CORIN: variants seen among roughly 807,000 people sequenced by gnomAD.
CORIN encodes corin, serine peptidase.
CORIN carries 117 observed loss-of-function variants against 125.3 expected under a neutral mutation model. The observed-to-expected ratio is 0.93, with a 90% CI of 0.80 to 1.09. The LOEUF (loss-of-function observed/expected upper bound fraction) is 1.09. CORIN is among the 50% of genes least tolerant of loss of function. The pLI is 0.00. For missense variants in CORIN, 1,253 were observed against 1,306.7 expected (o/e 0.96, Z 0.63); for synonymous variants, 450 against 466.4 (o/e 0.96, Z 0.45).
chr4:47,687,553 A>G (rs1309943831), intron 6 of CORIN, among the ~76,000 whole-genome samples: 1 of 152,186 alleles, frequency 6.6e-6, no homozygotes, highest in Non-Finnish European at 1.5e-5. Flanking sequence ...TCATACGCAC[A>G]CTATTAATTC....
At chr4:47,752,420 C>A (rs1728945163) in intron 4 of CORIN, among the ~76,000 whole-genome samples, 1 of 152,128 alleles carries the variant, frequency 6.6e-6, no homozygotes, top group African/African-American at 2.4e-5. Flanking sequence ...GCAGAGGTGA[C>A]TCCTGCCTGA....
At chr4:47,631,571 T>C (rs1230819643) in intron 16 of CORIN, among the ~76,000 whole-genome samples, 2 of 151,842 alleles carry the variant, frequency 1.3e-5, no homozygotes, top group African/African-American at 4.8e-5. Context: ...TTATGGTGAG[T>C]AGTATAATGA....
At chr4:47,773,081 C>A (rs1730136391) in intron 3 of CORIN, among the ~76,000 whole-genome samples, 1 of 151,882 alleles carries the variant, frequency 6.6e-6, no homozygotes, top group Admixed American at 6.6e-5. Flanking sequence ...TATTGAGTCT[C>A]TACTATACAA....
At chr4:47,633,867 C>T (rs1722928249) in intron 16 of CORIN, among the ~76,000 whole-genome samples, 1 of 152,068 alleles carries the variant, frequency 6.6e-6, no homozygotes, top group Non-Finnish European at 1.5e-5. Context: ...GGCTGCTCTT[C>T]TCTTCTTCTT....
chr4:47,643,392 A>G, intron 14 of CORIN, 136 bp from the exon 15 acceptor site: 1 of 705,722 alleles, frequency 1.4e-6, no homozygotes, highest in East Asian at 2.7e-5. Flanking sequence ...CCAAACGGGC[A>G]TAAAAACAGA....
chr4:47,705,666 T>C (rs998259871), intron 5 of CORIN, among the ~76,000 whole-genome samples: 4 of 152,166 alleles, frequency 2.6e-5, no homozygotes, highest in Non-Finnish European at 4.4e-5. Context: ...CCAAAAGCCA[T>C]AGTCAAAATG....
intron 4 of CORIN, among the ~76,000 whole-genome samples, chr4:47,754,836 T>G (rs1729062618): frequency 6.6e-6 from 1 of 152,190 alleles, no homozygotes; most frequent in Non-Finnish European, 1.5e-5. Context: ...CTGAAGGCAG[T>G]TAGGTGGCCA....
At chr4:47,803,007 G>A (rs951176503) in intron 2 of CORIN, among the ~76,000 whole-genome samples, 3 of 152,182 alleles carry the variant, frequency 2.0e-5, no homozygotes, top group Admixed American at 2.0e-4. Context: ...CTTTAACCAG[G>A]ACCACCAAGG....
Position 47,763,290 on chromosome 4 carries a change from A to T in CORIN, c.617+89T>A, listed in dbSNP as rs1240711047. The T allele has an allele frequency of 3.0e-6, 3 of 984,936 alleles. No individual in the cohort carries two copies. The East Asian group carries it at 7.9e-5, about 26-fold the overall frequency. The allele number at this position is 984,936 out of a possible 1,614,324, so 61.0% of individuals were successfully genotyped here. ...AATGTGGCTAATAACAACCAAAATA[A>T]AAGGGAGTCATTTGGATAATTTTTT... On this transcript the variant is annotated intron_variant, in intron 4 of 21. Transcript: ENST00000273857.
At chr4:47,611,326 A>T (rs896478337) in intron 19 of CORIN, among the ~76,000 whole-genome samples, 3 of 152,022 alleles carry the variant, frequency 2.0e-5, no homozygotes, top group Non-Finnish European at 1.5e-5. Flanking sequence ...TGTTAGCTGT[A>T]TTCTTAGGTA....
chr4:47,757,809 A>G (rs1729222921), intron 4 of CORIN, among the ~76,000 whole-genome samples: 1 of 148,776 alleles, frequency 6.7e-6, no homozygotes, highest in Non-Finnish European at 1.5e-5. Flanking sequence ...GCTAACATTC[A>G]AGTAGAGATT....
intron 3 of CORIN, among the ~76,000 whole-genome samples, chr4:47,776,159 A>G (rs941380658): frequency 6.6e-6 from 1 of 151,196 alleles, no homozygotes; most frequent in African/African-American, 2.4e-5. Context: ...AGCTGGGACT[A>G]CAGGCACTCC....
At chr4:47,733,879 A>G (rs1322045261) in intron 5 of CORIN, among the ~76,000 whole-genome samples, 2 of 152,222 alleles carry the variant, frequency 1.3e-5, no homozygotes, top group Non-Finnish European at 2.9e-5. Flanking sequence ...GTTATGACTG[A>G]CTTAAAGGAT....
chr4:47,634,124 T>C (rs1722939118), intron 16 of CORIN, among the ~76,000 whole-genome samples: 1 of 152,200 alleles, frequency 6.6e-6, no homozygotes, highest in South Asian at 2.1e-4. Flanking sequence ...TGGATGGTCT[T>C]CAGGATGATT....
At chr4:47,662,496 G>C (rs1220003085) in intron 11 of CORIN, among the ~76,000 whole-genome samples, 1 of 151,962 alleles carries the variant, frequency 6.6e-6, no homozygotes, top group Non-Finnish European at 1.5e-5. Flanking sequence ...TATGTCTTTT[G>C]TCTCCAGAAT....
intron 19 of CORIN, among the ~76,000 whole-genome samples, chr4:47,613,283 T>C (rs2109531116): frequency 6.6e-6 from 1 of 152,184 alleles, no homozygotes; most frequent in Middle Eastern, 3.4e-3. Flanking sequence ...TGAAACCCCA[T>C]GTCTACTAAA....
chr4:47,688,104 T>A (rs1725600770), intron 6 of CORIN, among the ~76,000 whole-genome samples: 1 of 152,088 alleles, frequency 6.6e-6, no homozygotes, highest in South Asian at 2.1e-4. Context: ...GAATTGAAAA[T>A]CATGTTGCAC....
At chr4:47,829,900 C>G (rs1439637275) in intron 1 of CORIN, among the ~76,000 whole-genome samples, 2 of 152,194 alleles carry the variant, frequency 1.3e-5, no homozygotes, top group Non-Finnish European at 2.9e-5. Context: ...TCATTTTACA[C>G]AAGTAAACCA....
chr4:47,665,459 A>T (rs954967410), intron 10 of CORIN, among the ~76,000 whole-genome samples, 196 bp from the exon 11 acceptor site: 5 of 152,162 alleles, frequency 3.3e-5, no homozygotes, highest in African/African-American at 9.7e-5. Flanking sequence ...ACTAAGATTC[A>T]TTTCTGTATA....
Sources: gnomAD v4.1 joint callset for allele counts (sites outside exome capture counted in the v4.1 genomes callset) on GRCh38, gnomAD v4.1.1 for gene constraint, MANE v1.5 for transcripts, NCBI Gene and HGNC (gene_info 2026-07-23, HGNC 2026-07-21) for gene names.